The following SLC25A21 variants were observed in gnomAD, a reference collection of about 807,000 sequenced individuals.
SLC25A21 encodes mitochondrial 2-oxodicarboxylate carrier.
In SLC25A21, 47 loss-of-function variants were observed where a neutral mutation model predicts 43.8. The ratio of observed to expected loss-of-function variants is 1.07; its 90% CI spans 0.85 to 1.37. The LOEUF is 1.37. Among genes scored for constraint, SLC25A21 ranks in the 40% most tolerant of loss-of-function variants. SLC25A21 has a pLI of 0.00. For missense variants in SLC25A21, 352 were observed against 350.2 expected, an observed-to-expected ratio of 1.00 and a Z score of -0.04; for synonymous variants, 131 against 121.3, an observed-to-expected ratio of 1.08 and a Z score of -0.52.
At chr14:36,968,893 G>T (rs932406195) in intron 1 of SLC25A21, among the ~76,000 whole-genome samples, 1 of 152,120 alleles carries the variant, frequency 6.6e-6, no homozygotes, top group Non-Finnish European at 1.5e-5. Context: ...ACATATCAAA[G>T]AAAATAAAGT....
At chr14:36,928,497 A>T (rs1892193078) in intron 1 of SLC25A21, among the ~76,000 whole-genome samples, 2 of 152,106 alleles carry the variant, frequency 1.3e-5, no homozygotes, top group South Asian at 4.1e-4. Context: ...ACGGCTAACT[A>T]ATGGGAGGTT....
chr14:37,012,753 T>C lies in SLC25A21; in HGVS notation c.71-137749A>G, dbSNP rs115216588. Among the ~76,000 whole-genome samples the C allele has an allele frequency of 2.5e-3, 376 of 152,308 alleles. 2 individuals carry two copies. The highest frequency in any genetic ancestry group is 8.8e-3 in the African/African-American group (366 of 41,578). ...GGCTTAAAGGACTCAATTTTCATAA[T>C]AGATCAAACACTTAGGACACTCAGT... is the stretch of plus-strand genomic sequence containing the variant. On this transcript the variant is annotated intron_variant, in intron 1 of 9. Coordinates refer to ENST00000331299, the MANE Select transcript of SLC25A21 (RefSeq NM_030631.4).
intron 1 of SLC25A21, among the ~76,000 whole-genome samples, chr14:37,091,327 G>A (rs1048548272): frequency 4.0e-5 from 6 of 151,544 alleles, no homozygotes; most frequent in East Asian, 3.9e-4. Context: ...CCAGCTACTC[G>A]GGAGGCTGAG....
chr14:36,977,946 T>C (rs962699067), intron 1 of SLC25A21, among the ~76,000 whole-genome samples: 2 of 134,956 alleles, frequency 1.5e-5, no homozygotes, highest in East Asian at 5.4e-4. Context: ...AAAGCTTTTT[T>C]TTTTTTTTAA....
chr14:37,110,164 A>T (rs17767929), intron 1 of SLC25A21, among the ~76,000 whole-genome samples: 7,171 of 152,286 alleles, frequency 0.047, 223 homozygotes, highest in African/African-American at 0.077. Context: ...AGACTTTCTA[A>T]TCATGCTCGA....
chr14:36,701,116 G>A (rs1274822603), intron 7 of SLC25A21, among the ~76,000 whole-genome samples: 1 of 152,086 alleles, frequency 6.6e-6, no homozygotes, highest in East Asian at 1.9e-4. Context: ...GCTCTCTTTT[G>A]TTGTTTTGTT....
intron 1 of SLC25A21, among the ~76,000 whole-genome samples, chr14:37,017,024 A>G (rs1960872247): frequency 6.6e-6 from 1 of 152,068 alleles, no homozygotes; most frequent in Non-Finnish European, 1.5e-5. Context: ...CTTTCTCTGT[A>G]TCATCAATAA....
chr14:36,990,124 C>A (rs1960231571), intron 1 of SLC25A21, among the ~76,000 whole-genome samples: 1 of 152,214 alleles, frequency 6.6e-6, no homozygotes, highest in African/African-American at 2.4e-5. Flanking sequence ...TTAGGGTACA[C>A]ACGACACCTA....
At chr14:37,088,890 C>T (rs916335042) in intron 1 of SLC25A21, among the ~76,000 whole-genome samples, 1 of 152,180 alleles carries the variant, frequency 6.6e-6, no homozygotes, top group African/African-American at 2.4e-5. Context: ...TCTCTCTTTT[C>T]AACTTAGGAA....
intron 3 of SLC25A21, among the ~76,000 whole-genome samples, chr14:36,745,481 T>G (rs1030975428): frequency 6.6e-6 from 1 of 152,200 alleles, no homozygotes; most frequent in African/African-American, 2.4e-5. Context: ...GCGTTCCTAT[T>G]TCTCCACATC....
At position 37,114,371 on chromosome 14, in the gene SLC25A21, G is replaced by C. The variant is rs17106337; in HGVS notation, c.70+57910C>G. Among the ~76,000 whole-genome samples the C allele has an allele frequency of 6.3e-3, 963 of 152,270 alleles. 9 individuals carry two copies. The highest frequency in any genetic ancestry group is 0.02 in the African/African-American group (826 of 41,580). ...TTTATTTGTACAGCAACTAAAAACT[G>C]AACTTACTAGACATATTTAAGAGAT... On this transcript the variant is annotated intron_variant, in intron 1 of 9. Transcript: ENST00000331299.
chr14:36,816,914 G>C lies in SLC25A21; in HGVS notation c.120-2913C>G, dbSNP rs538329620. On this transcript the variant is annotated intron_variant, in intron 2 of 9. Coordinates refer to ENST00000331299, the MANE Select transcript of SLC25A21 (RefSeq NM_030631.4). ...ATATTTGTAACCTATATTCATTGTAGAGTATAAAATCCTTTCTTACATCTA... is the reference window on the plus strand; with the variant it reads ...ATATTTGTAACCTATATTCATTGTACAGTATAAAATCCTTTCTTACATCTA... Among the ~76,000 whole-genome samples, 8 of 151,722 alleles carry C rather than the reference G, an allele frequency of 5.3e-5. No homozygotes were observed. In the East Asian group the frequency reaches 1.6e-3, roughly 30 times the overall value.
At chr14:37,098,734 TAGATAGATAGATAGACAGACAGACAGAC>T (rs1962751923) in intron 1 of SLC25A21, among the ~76,000 whole-genome samples, 3 of 9,250 alleles carry the variant, frequency 3.2e-4, no homozygotes, top group Admixed American at 2.6e-3. Flanking sequence ...GATAGATAGA[TAGATAGATAGATAGACAGACAGACAGAC>T]AGACAGACAG....
intron 6 of SLC25A21, among the ~76,000 whole-genome samples, chr14:36,724,973 G>A (rs1054515567): frequency 2.6e-5 from 4 of 152,066 alleles, no homozygotes; most frequent in African/African-American, 4.8e-5. Context: ...TTCCAAATAA[G>A]TCACTTCAGA....
intron 1 of SLC25A21, among the ~76,000 whole-genome samples, chr14:37,008,470 A>G (rs1212107688): frequency 2.0e-5 from 3 of 152,220 alleles, no homozygotes; most frequent in East Asian, 3.9e-4. Flanking sequence ...GTGAAATCCA[A>G]AGCTCACATA....
Position 36,924,501 on chromosome 14 carries a change from G to T in SLC25A21, c.71-49497C>A, listed in dbSNP as rs572432009. Among the ~76,000 whole-genome samples, 6 of 151,438 alleles carry T rather than the reference G, an allele frequency of 4.0e-5. 1 individual carries two copies. In the South Asian group the frequency reaches 1.0e-3, roughly 26 times the overall value. ...TAAGAACATTTGGACACAGGGTGGG[G>T]AACATCACACACTGGGGCCTGTTGT... On this transcript the variant is annotated intron_variant, in intron 1 of 9. Transcript: ENST00000331299.
rs1394849061 is a variant in SLC25A21, at chr14:36,679,595, TAA to T, written c.*1061_*1062del. 1.0e-6 allele frequency: 1 copy of T among 985,282 alleles called. No individual in the cohort carries two copies. Among genetic ancestry groups the T allele is most frequent in the Non-Finnish European group, 1.2e-6 (1 of 829,886 alleles). 61.0% of individuals were successfully genotyped at this position (985,282 alleles called of 1,614,324 possible). On this transcript the variant is annotated 3_prime_UTR_variant, in exon 10 of 10. Transcript: ENST00000331299. ...TTAGTATAGTAATCCTTAGAAATGCTAAGTGTATTTCTTTTTCAGAACATTTC... is the reference window on the plus strand; with the variant it reads ...TTAGTATAGTAATCCTTAGAAATGCTGTGTATTTCTTTTTCAGAACATTTC...
chr14:36,784,618 G>A (rs1887185057), intron 3 of SLC25A21, among the ~76,000 whole-genome samples: 1 of 152,172 alleles, frequency 6.6e-6, no homozygotes, highest in South Asian at 2.1e-4. Context: ...CTTCCTTTTA[G>A]AAACAGAGCT....
intron 1 of SLC25A21, among the ~76,000 whole-genome samples, chr14:37,113,715 G>T (rs1963059425): frequency 6.6e-6 from 1 of 151,990 alleles, no homozygotes; most frequent in Non-Finnish European, 1.5e-5. Flanking sequence ...TTAGCTGGGT[G>T]TGGTGGCATG....
Sources: gnomAD v4.1 joint callset for allele counts (sites outside exome capture counted in the v4.1 genomes callset) on GRCh38, gnomAD v4.1.1 for gene constraint, MANE v1.5 for transcripts, NCBI Gene and HGNC (gene_info 2026-07-23, HGNC 2026-07-21) for gene names.